The following ROBO2 variants were observed in gnomAD, a reference collection of about 807,000 sequenced individuals.
ROBO2 encodes the protein roundabout guidance receptor 2, also known as roundabout homolog 2.
A neutral mutation model predicts 160.8 loss-of-function variants in ROBO2; 53 were observed. That is an observed-to-expected ratio of 0.33 (90% CI 0.26 to 0.41). The LOEUF is 0.41. Among genes scored for constraint, ROBO2 ranks in the 10% least tolerant of loss-of-function variants. ROBO2 has a pLI of 1.00. For missense variants in ROBO2, 1,577 were observed against 1,722.4 expected (o/e 0.92, Z 1.49); for synonymous variants, 664 against 611.7 (o/e 1.09, Z -1.26).
intron 2 of ROBO2, among the ~76,000 whole-genome samples, chr3:77,219,272 C>T (rs553194336): frequency 5.3e-5 from 8 of 151,766 alleles, no homozygotes; most frequent in South Asian, 2.1e-4. Flanking sequence ...CCGCACTGGG[C>T]CTCGACTTCT....
Position 76,437,751 on chromosome 3 carries a change from A to G in ROBO2, c.109+500149A>G, listed in dbSNP as rs565153293. On this transcript the variant is annotated intron_variant, in intron 2 of 26. Transcript: ENST00000487694. ...GTACTCAAGTGAATAATGAAAAAAG[A>G]AGACAAAGAAAAAAGGTGATATTGC... Among the ~76,000 whole-genome samples the G allele has an allele frequency of 6.5e-4, 99 of 152,306 alleles. 1 individual carries two copies. The highest frequency in any genetic ancestry group is 1.2e-3 in the Non-Finnish European group (84 of 68,026).
chr3:76,924,310 C>A (rs1328684636), intron 2 of ROBO2, among the ~76,000 whole-genome samples: 1 of 152,100 alleles, frequency 6.6e-6, no homozygotes, highest in South Asian at 2.1e-4. Flanking sequence ...AACACGGGGG[C>A]GGCATTCTCA....
chr3:77,072,456 T>C (rs1032328069), intron 1 of ROBO2, among the ~76,000 whole-genome samples: 1 of 152,156 alleles, frequency 6.6e-6, no homozygotes, highest in Non-Finnish European at 1.5e-5. Context: ...GAACTTGTGA[T>C]CTAGAACTGA....
intron 2 of ROBO2, among the ~76,000 whole-genome samples, chr3:77,242,363 T>C (rs1263205276): frequency 6.6e-6 from 1 of 152,210 alleles, no homozygotes; most frequent in Non-Finnish European, 1.5e-5. Context: ...GTATGTATTC[T>C]ATTTTAACAT....
intron 2 of ROBO2, among the ~76,000 whole-genome samples, chr3:77,347,151 T>A (rs2067744908): frequency 6.6e-6 from 1 of 152,088 alleles, no homozygotes; most frequent in Non-Finnish European, 1.5e-5. Flanking sequence ...TTAAGTTTAG[T>A]TCTCAGTGAC....
At chr3:76,452,766 G>T (rs1159227992) in intron 2 of ROBO2, among the ~76,000 whole-genome samples, 1 of 152,180 alleles carries the variant, frequency 6.6e-6, no homozygotes, top group African/African-American at 2.4e-5. Context: ...TTCCACAATG[G>T]TTGAACTAGT....
chr3:76,302,562 T>C (rs1709415631), intron 2 of ROBO2, among the ~76,000 whole-genome samples: 1 of 152,114 alleles, frequency 6.6e-6, no homozygotes, highest in African/African-American at 2.4e-5. Flanking sequence ...ATAGATCCCA[T>C]ATATGACAGT....
intron 2 of ROBO2, among the ~76,000 whole-genome samples, chr3:76,641,580 G>A (rs2109704775): frequency 6.6e-6 from 1 of 152,012 alleles, no homozygotes; most frequent in South Asian, 2.1e-4. Context: ...ATATGATCCT[G>A]AATTCATTCC....
intron 2 of ROBO2, among the ~76,000 whole-genome samples, chr3:76,937,353 T>G (rs2149089204): frequency 6.6e-6 from 1 of 152,318 alleles, no homozygotes; most frequent in Admixed American, 6.5e-5. Context: ...TTTTTGTTTT[T>G]TTTAATCTGA....
intron 2 of ROBO2, among the ~76,000 whole-genome samples, chr3:77,013,754 G>A (rs952508319): frequency 1.3e-5 from 2 of 152,182 alleles, no homozygotes; most frequent in Non-Finnish European, 2.9e-5. Flanking sequence ...GATTGAGGAG[G>A]TGTAGTTAGA....
chr3:77,005,409 G>A (rs2061532005), intron 2 of ROBO2, among the ~76,000 whole-genome samples: 1 of 152,024 alleles, frequency 6.6e-6, no homozygotes, highest in African/African-American at 2.4e-5. Flanking sequence ...CCTTATATTT[G>A]TTGTTCAATA....
At chr3:76,923,007 G>A (rs1301313169) in intron 2 of ROBO2, among the ~76,000 whole-genome samples, 3 of 152,186 alleles carry the variant, frequency 2.0e-5, no homozygotes, top group African/African-American at 4.8e-5. Context: ...GTGAAATAAA[G>A]TTTTGTTTCC....
chr3:75,951,319 G>A (rs1948527271), intron 2 of ROBO2, among the ~76,000 whole-genome samples: 2 of 152,032 alleles, frequency 1.3e-5, no homozygotes, highest in Admixed American at 1.3e-4. Context: ...TTTCTGTAAA[G>A]AACTGGACAG....
intron 2 of ROBO2, among the ~76,000 whole-genome samples, chr3:76,130,513 C>T (rs542117376): frequency 1.3e-5 from 2 of 152,058 alleles, no homozygotes; most frequent in East Asian, 1.9e-4. Flanking sequence ...TATACATGTA[C>T]GCATACACTC....
At chr3:76,105,472 G>A (rs944786183) in intron 2 of ROBO2, among the ~76,000 whole-genome samples, 5 of 152,038 alleles carry the variant, frequency 3.3e-5, no homozygotes, top group Admixed American at 3.3e-4. Flanking sequence ...TTTACTACAT[G>A]TATCTGTATC....
At chr3:76,677,504 G>A (rs966738970) in intron 2 of ROBO2, among the ~76,000 whole-genome samples, 4 of 152,060 alleles carry the variant, frequency 2.6e-5, no homozygotes, top group African/African-American at 9.7e-5. Flanking sequence ...TCTAGGTTCT[G>A]CCTCCAATTC....
intron 2 of ROBO2, among the ~76,000 whole-genome samples, chr3:76,440,853 A>G (rs961907889): frequency 6.6e-6 from 1 of 151,858 alleles, no homozygotes; most frequent in Non-Finnish European, 1.5e-5. Context: ...CAGAGTGCTG[A>G]GCAGGCTGCC....
At chr3:76,552,274 C>T (rs1020597951) in intron 2 of ROBO2, among the ~76,000 whole-genome samples, 5 of 152,058 alleles carry the variant, frequency 3.3e-5, no homozygotes, top group African/African-American at 9.7e-5. Context: ...TAGTATCTGT[C>T]GGGGGCCCTG....
At chr3:77,381,103 C>G (rs369125867) in intron 2 of ROBO2, among the ~76,000 whole-genome samples, 152 of 152,328 alleles carry the variant, frequency 1.0e-3, no homozygotes, top group African/African-American at 3.5e-3. Flanking sequence ...ATCACGAGGT[C>G]AGGAGATCAA....
Sources: gnomAD v4.1 joint callset for allele counts (sites outside exome capture counted in the v4.1 genomes callset) on GRCh38, gnomAD v4.1.1 for gene constraint, MANE v1.5 for transcripts, NCBI Gene and HGNC (gene_info 2026-07-23, HGNC 2026-07-21) for gene names.